Variants in COPS9 observed in about 807,000 individuals in gnomAD.
COPS9 encodes the protein COP9 signalosome subunit 9.
In COPS9, 8 loss-of-function variants were observed where a neutral mutation model predicts 7.2. The observed-to-expected ratio is 1.11, with a 90% confidence interval of 0.65 to 2.00. COPS9 has a LOEUF of 2.00. Ranked by LOEUF, COPS9 falls within the 30% of genes most tolerant of loss-of-function variation. The pLI, the probability that COPS9 is intolerant of heterozygous loss-of-function variation, is 0.00. For synonymous variants in COPS9, 39 were observed against 28.7 expected (o/e 1.36, Z -1.14); for missense variants, 74 against 77.7 (o/e 0.95, Z 0.18).
chr2:240,135,126 T>C (rs1451559171), intron 1 of COPS9, among the ~76,000 whole-genome samples: 3 of 152,054 alleles, frequency 2.0e-5, no homozygotes, highest in African/African-American at 7.2e-5. Context: ...AGAGAGTCCC[T>C]ACCCACTGTC....
At chr2:240,126,694 CCT>C, downstream of COPS9, 1 of 1,614,184 alleles carries the variant, frequency 6.2e-7, no homozygotes, top group Admixed American at 1.7e-5. Flanking sequence ...TCTTCGCTGA[CCT>C]CTCGCCTGCT....
downstream of COPS9, among the ~76,000 whole-genome samples, chr2:240,129,129 T>A (rs528767047): frequency 3.9e-5 from 6 of 152,254 alleles, no homozygotes; most frequent in South Asian, 1.2e-3. Context: ...GAGGCTGACA[T>A]CCCCATTCAC....
intron 2 of COPS9, 72 bp downstream of exon 2, chr2:240,133,861 G>C: frequency 6.8e-7 from 1 of 1,461,070 alleles, no homozygotes; most frequent in Non-Finnish European, 9.6e-7. Flanking sequence ...ATGTCACCAA[G>C]TTGCTTCACT....
Position 240,132,512 on chromosome 2 carries a change from G to C in COPS9, c.136+1421C>G, listed in dbSNP as rs1002959220. ...CCGGCCGTGGCTCAAAGGCAGACAC[G>C]CGCCCACAATGCTCAGGTTGCTGGG... On this transcript the variant is annotated intron_variant, in intron 2 of 2. Coordinates refer to ENST00000607357, the MANE Select transcript of COPS9 (RefSeq NM_001163424.2). The surrounding 1 kb of genome is among the most constrained non-coding windows in gnomAD (Gnocchi z 4.1). Among the ~76,000 whole-genome samples, 1 of 152,108 alleles carries C rather than the reference G, an allele frequency of 6.6e-6. No homozygotes were observed. The highest frequency in any genetic ancestry group is 6.6e-5 in the Admixed American group (1 of 15,256).
At chr2:240,134,039 C>G (rs748959672) in intron 1 of COPS9, 34 bp from the exon 2 acceptor site, 1 of 1,608,804 alleles carries the variant, frequency 6.2e-7, no homozygotes. Flanking sequence ...ATGTCAGGTG[C>G]GTTTTCCGAA....
At chr2:240,136,096 T>C (rs2071987892) in intron 1 of COPS9, 126 bp downstream of exon 1, 2 of 1,300,426 alleles carry the variant, frequency 1.5e-6, no homozygotes, top group South Asian at 3.6e-5. Flanking sequence ...GCAGGGAGCC[T>C]GGGAGCCGCG....
At chr2:240,129,287 C>CA (rs1392367698), downstream of COPS9, among the ~76,000 whole-genome samples, 1 of 152,222 alleles carries the variant, frequency 6.6e-6, no homozygotes, top group East Asian at 1.9e-4. Context: ...CCTAGCCTCC[C>CA]AAACAGCTAG....
intron 1 of COPS9, chr2:240,135,915 G>GC: frequency 4.8e-6 from 2 of 414,336 alleles, no homozygotes; most frequent in Non-Finnish European, 8.5e-6. Context: ...AGCAGCAAAC[G>GC]CAACTCCTCT....
chr2:240,131,889 A>C (rs62187095), intron 2 of COPS9, among the ~76,000 whole-genome samples: 100,486 of 151,478 alleles, frequency 0.66, 35,051 homozygotes, highest in African/African-American at 0.89. Flanking sequence ...AGCGAAGAGA[A>C]AGGGGCCTGC....
downstream of COPS9, among the ~76,000 whole-genome samples, chr2:240,129,746 A>G (rs2071901511): frequency 2.6e-5 from 4 of 152,254 alleles, no homozygotes; most frequent in Admixed American, 6.5e-5. Context: ...TTGCAAGAAC[A>G]TAGCACTGAA....
intron 2 of COPS9, 117 bp from the exon 3 acceptor site, chr2:240,131,205 G>A (rs1236732533): frequency 8.3e-7 from 1 of 1,199,800 alleles, no homozygotes. Flanking sequence ...ATGATCCAAT[G>A]AAATAAAAGA....
chr2:240,134,080 C>T, intron 1 of COPS9, 75 bp from the exon 2 acceptor site: 2 of 1,348,712 alleles, frequency 1.5e-6, no homozygotes, highest in Non-Finnish European at 2.1e-6. Flanking sequence ...TGCAGGGCCA[C>T]TACCCCCACA....
intron 1 of COPS9, 190 bp from the exon 2 acceptor site, chr2:240,134,195 G>A: frequency 1.7e-6 from 1 of 584,890 alleles, no homozygotes; most frequent in Admixed American, 3.1e-5. Flanking sequence ...TCAAAGGAAT[G>A]ATTTTTAAGG....
At chr2:240,135,404 C>T (rs1478880521) in intron 1 of COPS9, among the ~76,000 whole-genome samples, 3 of 152,166 alleles carry the variant, frequency 2.0e-5, no homozygotes, top group Admixed American at 2.0e-4. Flanking sequence ...TGCAATCAGC[C>T]GCTCTGCCAT....
chr2:240,128,560 C>T (rs1046344648), downstream of COPS9, among the ~76,000 whole-genome samples: 2 of 152,190 alleles, frequency 1.3e-5, no homozygotes, highest in Admixed American at 6.5e-5. Flanking sequence ...GCTGAGCCTG[C>T]GGTCCCCCAG....
downstream of COPS9, among the ~76,000 whole-genome samples, chr2:240,129,638 G>T (rs2071900653): frequency 6.6e-6 from 1 of 152,178 alleles, no homozygotes; most frequent in African/African-American, 2.4e-5. Context: ...GATCACGACA[G>T]AATTCACCCA....
At chr2:240,130,747 T>C (rs971010765), downstream of COPS9, 4 of 1,250,776 alleles carry the variant, frequency 3.2e-6, no homozygotes, top group African/African-American at 3.1e-5. Context: ...TGCACGCACA[T>C]GCATGCACAC....
At chr2:240,126,650 A>C, downstream of COPS9, 5 of 1,613,830 alleles carry the variant, frequency 3.1e-6, no homozygotes, top group Non-Finnish European at 4.2e-6. Context: ...TAAAACATTT[A>C]CCCCTCCAGT....
At chr2:240,126,665 A>G, downstream of COPS9, 1 of 1,614,226 alleles carries the variant, frequency 6.2e-7, no homozygotes, top group Non-Finnish European at 8.5e-7. Flanking sequence ...TCCAGTGAGT[A>G]GAAACTGATA....
Sources: gnomAD v4.1 joint callset for allele counts (sites outside exome capture counted in the v4.1 genomes callset) on GRCh38, gnomAD v4.1.1 for gene constraint, Gnocchi (gnomAD v3.1) non-coding constraint, MANE v1.5 for transcripts, NCBI Gene and HGNC (gene_info 2026-07-23, HGNC 2026-07-21) for gene names.